The following ADGRB2 variants were observed in gnomAD, a reference collection of about 807,000 sequenced individuals.
ADGRB2 encodes the protein brain-specific angiogenesis inhibitor 2.
Under a neutral mutation model 178.7 loss-of-function variants are expected in ADGRB2, and 47 were observed. That is an observed-to-expected ratio of 0.26 (90% confidence interval 0.21 to 0.34). The LOEUF (loss-of-function observed/expected upper bound fraction) is 0.34. Ranked by LOEUF, ADGRB2 falls within the 10% of genes least tolerant of loss-of-function variation. The pLI is 1.00. For missense variants in ADGRB2, 1,584 were observed against 2,180.8 expected, an observed-to-expected ratio of 0.73 and a Z score of 5.45; for synonymous variants, 870 against 912.4, an observed-to-expected ratio of 0.95 and a Z score of 0.84.
Position 31,738,936 on chromosome 1 carries a change from G to C in ADGRB2, c.2497C>G (p.Pro833Ala), listed in dbSNP as rs1038170867. The change falls in exon 16 of 33, where the codon CCC (proline) becomes GCC (alanine). Residue 833 changes from proline to alanine, a missense_variant and splice_region_variant. Coordinates refer to ENST00000373658, the MANE Select transcript of ADGRB2 (RefSeq NM_001364857.2). ...TLGLILPPPR[P>A]PLAVTSRVMT... is the part of the protein sequence containing the mutation. ...ACCCGGGATGTGACGGCCAGCGGGG[G>C]CCTGCGGGACAGGTACCGAAGTCAG... The C allele has an allele frequency of 2.5e-6, 4 of 1,607,986 alleles. No homozygotes were observed. Among genetic ancestry groups the C allele is most frequent in the Non-Finnish European group, 3.4e-6 (4 of 1,176,288 alleles).
rs374423146 is a variant in ADGRB2, at chr1:31,730,990, C to G, written c.4190G>C (p.Ser1397Thr). ...GCCCGAGTGGTCCACGGACAGGAAG[C>G]TGGGGTAGCCTTCAGTGTGGGCCAC... ...KTVAHTEGYP[S>T]FLSVDHSGLG... Residue 1397 changes from serine (S) to threonine (T), a missense_variant, in exon 29 of 33, where the codon AGC becomes ACC. By Grantham distance (58) the Ser-to-Thr change is moderately conservative (BLOSUM62 1). Around this residue, in one of 3 missense-constraint regions of ADGRB2, gnomAD observed 865 missense variants for 1,192.8 expected, o/e 0.73. Coordinates refer to ENST00000373658, the MANE Select transcript of ADGRB2 (RefSeq NM_001364857.2). 28 of 1,566,508 alleles carry G rather than the reference C, an allele frequency of 1.8e-5. No homozygotes were observed. Among genetic ancestry groups the G allele is most frequent in the Non-Finnish European group, 2.4e-5 (28 of 1,152,750 alleles).
intron 15 of ADGRB2, 125 bp from the exon 16 acceptor site, chr1:31,739,062 T>C: frequency 2.2e-6 from 2 of 920,910 alleles, no homozygotes; most frequent in South Asian, 3.3e-5. Flanking sequence ...AAGGCCTAAC[T>C]CAGTGGGGTC....
chr1:31,763,327 GAGA>G (rs1647102027), intron 1 of ADGRB2, among the ~76,000 whole-genome samples: 1 of 150,924 alleles, frequency 6.6e-6, no homozygotes, highest in Non-Finnish European at 1.5e-5. Context: ...GGCAGAAATA[GAGA>G]AGAAGCATGG....
At chr1:31,739,725 C>A (rs148083904) in intron 14 of ADGRB2, 90 bp from the exon 15 acceptor site, 40 of 1,421,932 alleles carry the variant, frequency 2.8e-5, no homozygotes, top group Non-Finnish European at 3.5e-5. Context: ...AGGGGAAACA[C>A]GTACCAGGAA....
rs1048002333 is a variant in ADGRB2 at position 31,740,409 on chromosome 1, G to A, written c.1927C>T (p.Leu643=). 1.9e-6 allele frequency: 3 copies of A among 1,613,950 alleles called. No individual in the cohort carries two copies. The highest frequency in any genetic ancestry group is 1.3e-5 in the African/African-American group (1 of 74,948). ...TTAAAGGTGTCAGTGACATTCCTCA[G>A]AATGTCCACAGAGAAGAGCAGGTCC... ...SGDLLFSVDI[L]RNVTDTFKRA... The change falls in exon 12 of 33, where the codon CTG becomes TTG. Residue 643 remains leucine, a synonymous_variant. Coordinates refer to ENST00000373658, the MANE Select transcript of ADGRB2 (RefSeq NM_001364857.2). This position sits in a 1 kb window ranked among gnomAD's most constrained non-coding sequence, Gnocchi z 5.9.
At position 31,755,587 on chromosome 1, in the gene ADGRB2, T is replaced by C. The variant is rs765676009; in HGVS notation, c.838+412A>G. 1.2e-4 allele frequency among the ~76,000 whole-genome samples: 19 copies of C among 152,072 alleles called. No homozygotes were observed. The highest frequency in any genetic ancestry group is 2.8e-4 in the Non-Finnish European group (19 of 67,998). On this transcript the variant is annotated intron_variant, in intron 4 of 32. Transcript: ENST00000373658. This position sits in a 1 kb window ranked among gnomAD's most constrained non-coding sequence, Gnocchi z 5.1. ...CAGCCTCCAGGCAAACTTGTCAACTTGCAGCGCCAGGGCCTGCCACGATCA... is the reference window on the plus strand; with the variant it reads ...CAGCCTCCAGGCAAACTTGTCAACTCGCAGCGCCAGGGCCTGCCACGATCA...
Position 31,741,722 on chromosome 1 carries a change from A to T in ADGRB2, c.1589T>A (p.Phe530Tyr). ...KPCSEKRCPAFHEMCRDEYVM... is the reference protein window; with the variant it reads ...KPCSEKRCPAYHEMCRDEYVM... ...GTACTCATCCCTGCACATCTCATGG[A>T]AGGCTGTGGGTGCAGGGGTAAGGTT... Residue 530 changes from phenylalanine to tyrosine, a missense_variant, in exon 10 of 33, where the codon TTC (phenylalanine) becomes TAC (tyrosine). Transcript: ENST00000373658. This position sits in a 1 kb window ranked among gnomAD's most constrained non-coding sequence, Gnocchi z 6.5. 1 of 1,613,016 alleles carries T rather than the reference A, an allele frequency of 6.2e-7. No individual in the cohort carries two copies. Among genetic ancestry groups the T allele is most frequent in the Non-Finnish European group, 8.5e-7 (1 of 1,179,196 alleles).
chr1:31,740,683 C>T lies in ADGRB2; in HGVS notation c.1795-142G>A. ...GGTCAGAGAGGCTCAAAGGGGCACA[C>T]AGGGGAGACAGAGTCCGAGAAAGAG... On this transcript the variant is annotated intron_variant, in intron 11 of 32. Transcript: ENST00000373658. This position sits in a 1 kb window ranked among gnomAD's most constrained non-coding sequence, Gnocchi z 5.9. The T allele has an allele frequency of 1.2e-6, 1 of 814,192 alleles. No homozygotes were observed. Among genetic ancestry groups the T allele is most frequent in the Non-Finnish European group, 1.9e-6 (1 of 538,900 alleles). 50.4% of individuals were successfully genotyped at this position (814,192 alleles called of 1,614,324 possible).
chr1:31,746,043 A>G (rs1433692452), intron 4 of ADGRB2, among the ~76,000 whole-genome samples: 3 of 152,152 alleles, frequency 2.0e-5, no homozygotes, highest in Non-Finnish European at 4.4e-5. Flanking sequence ...AGAGCTTTGG[A>G]GTGAATTAAC....
intron 29 of ADGRB2, 23 bp downstream of exon 29, chr1:31,730,777 C>T (rs369744182): frequency 1.1e-5 from 17 of 1,483,514 alleles, no homozygotes; most frequent in South Asian, 2.9e-5. Context: ...CAGACACACA[C>T]CCCATTCCCT....
At position 31,733,121 on chromosome 1, in the gene ADGRB2, C is replaced by A; in HGVS notation, c.3475G>T (p.Val1159Leu). 1 of 1,585,706 alleles carries A rather than the reference C, an allele frequency of 6.3e-7. No homozygotes were observed. The highest frequency in any genetic ancestry group is 1.1e-5 in the South Asian group (1 of 87,144). Reference protein sequence around the residue: ...NAMASLWSSCVVLPLLALTWM... With the variant: ...NAMASLWSSCLVLPLLALTWM... ...GTGAGCGCCAGCAGGGGCAGCACCACGCAGGAGCTCCAGAGTGAGGCCCTG... is the reference window on the plus strand; with the variant it reads ...GTGAGCGCCAGCAGGGGCAGCACCAAGCAGGAGCTCCAGAGTGAGGCCCTG... The change falls in exon 26 of 33, where the codon GTG becomes TTG. Residue 1159 changes from valine (V) to leucine (L), a missense_variant. This residue lies in a region of ADGRB2 where 865 missense variants were observed against 1,192.8 expected (regional missense o/e 0.73). Coordinates refer to ENST00000373658, the MANE Select transcript of ADGRB2 (RefSeq NM_001364857.2). This position sits in a 1 kb window ranked among gnomAD's most constrained non-coding sequence, Gnocchi z 4.3.
intron 4 of ADGRB2, among the ~76,000 whole-genome samples, chr1:31,752,206 G>A (rs1646610816): frequency 6.6e-6 from 1 of 152,172 alleles, no homozygotes; most frequent in South Asian, 2.1e-4. Flanking sequence ...CCTAGGCCTG[G>A]CACAAACTCT....
intron 15 of ADGRB2, 113 bp from the exon 16 acceptor site, chr1:31,739,050 G>T: frequency 2.0e-6 from 2 of 1,011,916 alleles, no homozygotes; most frequent in East Asian, 2.5e-5. Flanking sequence ...AAGGCCCAGG[G>T]GAAGGCCTAA....
At chr1:31,732,661 G>A (rs748174605) in intron 26 of ADGRB2, 49 bp from the exon 27 acceptor site, 107 of 1,584,156 alleles carry the variant, frequency 6.8e-5, no homozygotes, top group South Asian at 2.6e-4. Flanking sequence ...CAGGGCCCCC[G>A]ACCACAGATG....
chr1:31,734,010 T>C (rs967342395), intron 25 of ADGRB2, among the ~76,000 whole-genome samples: 8 of 152,014 alleles, frequency 5.3e-5, no homozygotes. Flanking sequence ...TGGCAGAGGG[T>C]GGCACCATTC....
Position 31,756,764 on chromosome 1 carries a change from G to A in ADGRB2, c.73C>T (p.Leu25=), listed in dbSNP as rs1445758363. Residue 25 remains leucine (L), a synonymous_variant, in exon 4 of 33, where the codon CTG becomes TTG. Transcript: ENST00000373658. The surrounding 1 kb of genome is among the most constrained non-coding windows in gnomAD (Gnocchi z 8.5). ...PACPLLLSVI[L]SLRLATAFDP... is the part of the protein sequence containing the mutation. ...AAGGCGGTGGCCAGGCGCAGGGACAGAATCACAGACAGTAAGAGGGGACAG... is the reference window on the plus strand; with the variant it reads ...AAGGCGGTGGCCAGGCGCAGGGACAAAATCACAGACAGTAAGAGGGGACAG... 1 of 1,537,858 alleles carries A rather than the reference G, an allele frequency of 6.5e-7. No individual in the cohort carries two copies. The highest frequency in any genetic ancestry group is 1.3e-5 in the South Asian group (1 of 79,796).
rs1455731758 is a variant in ADGRB2, at chr1:31,744,332, G to A, written c.948C>T (p.Ser316=). ...ACGTCAGGGAACACACGCTCCACGG[G>A]GACCACTCCTCAGCCGCCGGGTCGC... ...QTGDPAAEEW[S]PWSVCSLTCG... is the part of the protein sequence containing the mutation. Residue 316 remains serine (S), a synonymous_variant, in exon 6 of 33, where the codon TCC becomes TCT. Transcript: ENST00000373658. This position sits in a 1 kb window ranked among gnomAD's most constrained non-coding sequence, Gnocchi z 6.7. 4.5e-6 allele frequency: 7 copies of A among 1,550,818 alleles called. No homozygotes were observed. The highest frequency in any genetic ancestry group is 1.2e-5 in the South Asian group (1 of 84,028).
chr1:31,737,976 T>G (rs1645716681), intron 18 of ADGRB2, among the ~76,000 whole-genome samples: 1 of 152,034 alleles, frequency 6.6e-6, no homozygotes, highest in Admixed American at 6.6e-5. Flanking sequence ...GACACACACA[T>G]GTGCACACAC....
chr1:31,733,918 A>G lies in ADGRB2; in HGVS notation c.3453-775T>C, dbSNP rs1645431515. 6.6e-6 allele frequency among the ~76,000 whole-genome samples: 1 copy of G among 151,832 alleles called. No individual in the cohort carries two copies. The highest frequency in any genetic ancestry group is 2.1e-4 in the South Asian group (1 of 4,798). The stretch of plus-strand genomic sequence containing the variant: ...ACATGAGGGACAGCCAGGCCACCAT[A>G]CCCTCCCGGGCCAGGTGCCACACTC... On this transcript the variant is annotated intron_variant, in intron 25 of 32. Transcript: ENST00000373658. The surrounding 1 kb of genome is among the most constrained non-coding windows in gnomAD (Gnocchi z 4.3).
Sources: allele counts gnomAD v4.1 joint callset (sites outside exome capture counted in the v4.1 genomes callset), GRCh38; gene constraint gnomAD v4.1.1; regional missense constraint gnomAD v4.1.1; non-coding constraint Gnocchi (gnomAD v3.1); transcripts MANE v1.5; gene names NCBI Gene and HGNC (gene_info 2026-07-23, HGNC 2026-07-21).